HIVEP3: variants seen among roughly 807,000 people sequenced by gnomAD.
The protein encoded by HIVEP3 is HIVEP zinc finger 3.
Under a neutral mutation model 152.8 loss-of-function variants are expected in HIVEP3, and 49 were observed. That is an observed-to-expected ratio of 0.32 (90% CI 0.26 to 0.41). The LOEUF (loss-of-function observed/expected upper bound fraction) is 0.41. HIVEP3 is among the 10% of genes least tolerant of loss of function. The pLI is 1.00. For synonymous variants in HIVEP3, 1,269 were observed against 1,289.0 expected (o/e 0.98, Z 0.33); for missense variants, 2,790 against 3,103.3 (o/e 0.90, Z 2.40).
intron 1 of HIVEP3, among the ~76,000 whole-genome samples, chr1:41,751,324 ATTTTTTT>A: frequency 9.6e-6 from 1 of 104,546 alleles, no homozygotes; most frequent in Admixed American, 1.2e-4. Context: ...ACTGACACAC[ATTTTTTT>A]TTTTTTTTTT....
At chr1:41,746,568 C>A (rs1418243942) in intron 1 of HIVEP3, among the ~76,000 whole-genome samples, 1 of 152,176 alleles carries the variant, frequency 6.6e-6, no homozygotes, top group Non-Finnish European at 1.5e-5. Context: ...GATGGCAGGT[C>A]CCAATTGGGC....
chr1:41,888,787 T>C (rs1436900162), intron 1 of HIVEP3, among the ~76,000 whole-genome samples: 1 of 98,182 alleles, frequency 1.0e-5, no homozygotes, highest in Non-Finnish European at 1.9e-5. Context: ...ACATACCTCA[T>C]ACACATACCA....
At chr1:41,825,522 T>C (rs1380163318) in intron 1 of HIVEP3, among the ~76,000 whole-genome samples, 1 of 151,982 alleles carries the variant, frequency 6.6e-6, no homozygotes, top group Non-Finnish European at 1.5e-5. Context: ...CCACCTGACT[T>C]GGCCTCCCAA....
chr1:41,806,892 C>A (rs1055035284), intron 1 of HIVEP3, among the ~76,000 whole-genome samples: 12 of 152,146 alleles, frequency 7.9e-5, no homozygotes, highest in Non-Finnish European at 1.5e-4. Context: ...GCTCGCCACC[C>A]CTTGCCCTCA....
chr1:41,851,289 C>CTTTTTTTTTTTT (rs34180186), intron 1 of HIVEP3, among the ~76,000 whole-genome samples: 14 of 59,802 alleles, frequency 2.3e-4, no homozygotes, highest in East Asian at 1.5e-3. Flanking sequence ...TCTTCTTCTT[C>CTTTTTTTTTTTT]TTTTTTTTTT....
At chr1:41,942,431 C>T (rs892567036) in intron 1 of HIVEP3, among the ~76,000 whole-genome samples, 5 of 152,216 alleles carry the variant, frequency 3.3e-5, no homozygotes, top group Non-Finnish European at 1.5e-5. Flanking sequence ...TTCCCCTTGT[C>T]AGATATGCAA....
chr1:41,615,970 T>C (rs759098565), intron 3 of HIVEP3, among the ~76,000 whole-genome samples: 1 of 152,026 alleles, frequency 6.6e-6, no homozygotes, highest in Non-Finnish European at 1.5e-5. Context: ...TTAACAAGTG[T>C]GTTTTCTCTC....
At chr1:41,639,399 T>A (rs138525420) in intron 2 of HIVEP3, among the ~76,000 whole-genome samples, 2 of 152,324 alleles carry the variant, frequency 1.3e-5, no homozygotes, top group East Asian at 3.9e-4. Flanking sequence ...CCTGGTTTCA[T>A]CCATTACTAG....
chr1:41,620,371 A>C (rs1645029500), intron 3 of HIVEP3, among the ~76,000 whole-genome samples: 1 of 152,250 alleles, frequency 6.6e-6, no homozygotes, highest in Non-Finnish European at 1.5e-5. Flanking sequence ...TTTATTCTAA[A>C]GAGCAGCCCA....
At chr1:41,900,647 G>GT (rs1465424241) in intron 1 of HIVEP3, among the ~76,000 whole-genome samples, 1 of 151,988 alleles carries the variant, frequency 6.6e-6, no homozygotes, top group Admixed American at 6.5e-5. Context: ...AGAGGCAGTG[G>GT]TGGTATCTTT....
chr1:41,740,253 G>T (rs949246871), intron 1 of HIVEP3, among the ~76,000 whole-genome samples: 2 of 152,242 alleles, frequency 1.3e-5, no homozygotes, highest in Non-Finnish European at 2.9e-5. Context: ...TTTCTCTGAT[G>T]ACCACTCAGT....
intron 5 of HIVEP3, among the ~76,000 whole-genome samples, chr1:41,544,983 G>A (rs1193324872): frequency 0.058 from 126 of 2,170 alleles, 21 homozygotes; most frequent in Admixed American, 0.11. Context: ...CACTATCACC[G>A]CCACCACCAT....
chr1:41,854,165 C>T (rs912772971), intron 1 of HIVEP3, among the ~76,000 whole-genome samples: 1 of 151,960 alleles, frequency 6.6e-6, no homozygotes, highest in Non-Finnish European at 1.5e-5. Flanking sequence ...CTCTCTCTCT[C>T]AGTTCTGGGC....
At chr1:41,695,050 A>G (rs1325401900) in intron 2 of HIVEP3, among the ~76,000 whole-genome samples, 2 of 152,166 alleles carry the variant, frequency 1.3e-5, no homozygotes, top group Non-Finnish European at 2.9e-5. Flanking sequence ...GACAGTCCCT[A>G]GAAAACTTGT....
chr1:42,025,920 A>C (rs2124537895), intron 1 of HIVEP3, among the ~76,000 whole-genome samples: 1 of 152,088 alleles, frequency 6.6e-6, no homozygotes, highest in East Asian at 1.9e-4. Context: ...AAATATAAAA[A>C]ATTAGCCGGG....
chr1:41,666,924 TTTC>T (rs1645804661), intron 2 of HIVEP3, among the ~76,000 whole-genome samples: 1 of 152,342 alleles, frequency 6.6e-6, no homozygotes, highest in South Asian at 2.1e-4. Context: ...TCTCTCACTG[TTTC>T]TGAGCCTTCC....
chr1:41,880,545 A>G (rs1436950216), intron 1 of HIVEP3, among the ~76,000 whole-genome samples: 1 of 152,208 alleles, frequency 6.6e-6, no homozygotes, highest in East Asian at 1.9e-4. Context: ...CTACATTTCC[A>G]TGTCACCTTC....
At chr1:41,848,760 T>G (rs190681885) in intron 1 of HIVEP3, 1 of 152,658 alleles carries the variant, frequency 6.6e-6, no homozygotes, top group Non-Finnish European at 1.5e-5. Context: ...GCTGTGCCCA[T>G]CTGCTGCCCT....
At chr1:41,782,240 T>C (rs763762664) in intron 1 of HIVEP3, among the ~76,000 whole-genome samples, 1 of 152,182 alleles carries the variant, frequency 6.6e-6, no homozygotes, top group East Asian at 1.9e-4. Flanking sequence ...ACTCCACTTA[T>C]GTGAGGTACC....
Sources: gnomAD v4.1 joint callset for allele counts (sites outside exome capture counted in the v4.1 genomes callset) on GRCh38, gnomAD v4.1.1 for gene constraint, MANE v1.5 for transcripts, NCBI Gene and HGNC (gene_info 2026-07-23, HGNC 2026-07-21) for gene names.